Variants in LHFPL3 observed in about 807,000 individuals in gnomAD.
LHFPL3 encodes LHFPL tetraspan subfamily member 3.
In LHFPL3, 5 loss-of-function variants were observed where a neutral mutation model predicts 19.3. That is an observed-to-expected ratio of 0.26 (90% confidence interval 0.14 to 0.54). The LOEUF (loss-of-function observed/expected upper bound fraction) is 0.54. Among genes scored for constraint, LHFPL3 ranks in the 20% least tolerant of loss-of-function variants. The pLI is 0.94. For synonymous variants in LHFPL3, 133 were observed against 126.2 expected (o/e 1.05, Z -0.36); for missense variants, 249 against 307.4 (o/e 0.81, Z 1.42).
chr7:104,545,852 T>C (rs934377365), intron 1 of LHFPL3, among the ~76,000 whole-genome samples: 3 of 152,334 alleles, frequency 2.0e-5, no homozygotes, highest in Middle Eastern at 3.4e-3. Context: ...GCATCCTGCC[T>C]CCACCAAGCC....
chr7:104,831,802 T>C (rs1790958498), intron 2 of LHFPL3, among the ~76,000 whole-genome samples: 1 of 152,030 alleles, frequency 6.6e-6, no homozygotes, highest in East Asian at 1.9e-4. Context: ...TAGACCTGTA[T>C]TTGAATCCCC....
intron 2 of LHFPL3, among the ~76,000 whole-genome samples, chr7:104,829,798 C>T (rs1459642251): frequency 2.6e-5 from 4 of 152,024 alleles, no homozygotes; most frequent in East Asian, 1.9e-4. Context: ...CATACGTGTG[C>T]GTGTGTCTTC....
At chr7:104,729,340 T>A (rs1043488052) in intron 1 of LHFPL3, among the ~76,000 whole-genome samples, 2 of 152,182 alleles carry the variant, frequency 1.3e-5, no homozygotes, top group Non-Finnish European at 2.9e-5. Context: ...CATCACCTCA[T>A]ACATTTATCA....
intron 2 of LHFPL3, among the ~76,000 whole-genome samples, chr7:104,900,833 A>G (rs1367547255): frequency 6.6e-6 from 1 of 152,272 alleles, no homozygotes; most frequent in Non-Finnish European, 1.5e-5. Context: ...TAACATGGGC[A>G]ACTCCGAGCC....
At chr7:104,563,727 C>G (rs1790064811) in intron 1 of LHFPL3, among the ~76,000 whole-genome samples, 1 of 152,170 alleles carries the variant, frequency 6.6e-6, no homozygotes, top group Non-Finnish European at 1.5e-5. Flanking sequence ...ATCTGTAAAC[C>G]AGGAAGTAGG....
At position 104,713,989 on chromosome 7, in the gene LHFPL3, T is replaced by C. The variant is rs556702011; in HGVS notation, c.446-22686T>C. Among the ~76,000 whole-genome samples, 4 of 152,358 alleles carry C rather than the reference T, an allele frequency of 2.6e-5. No individual in the cohort carries two copies. The South Asian group carries it at 8.3e-4, about 32-fold the overall frequency. Reference sequence around the variant, plus strand: ...CAAAATTATCTTACAGGCATTTTGCTGGCAGGCTAAGACTGGGTTAAGTCT... The same window carrying C: ...CAAAATTATCTTACAGGCATTTTGCCGGCAGGCTAAGACTGGGTTAAGTCT... On this transcript the variant is annotated intron_variant, in intron 1 of 2. Transcript: ENST00000424859.
chr7:104,505,724 A>G lies in LHFPL3; in HGVS notation c.445+176500A>G, dbSNP rs117800093. On this transcript the variant is annotated intron_variant, in intron 1 of 2. Transcript: ENST00000424859. ...AGTAGAAGAATCCAATTGAGTATTCAAATATGAATAAATGCAATTAATGGA... is the reference window on the plus strand; with the variant it reads ...AGTAGAAGAATCCAATTGAGTATTCGAATATGAATAAATGCAATTAATGGA... Among the ~76,000 whole-genome samples, 126 of 152,374 alleles carry G rather than the reference A, an allele frequency of 8.3e-4. 1 individual carries two copies. In the East Asian group the frequency reaches 0.021, roughly 26 times the overall value.
At position 104,629,480 on chromosome 7, in the gene LHFPL3, G is replaced by C. The variant is rs76343075; in HGVS notation, c.446-107195G>C. ...TGCAGTATTTATAGAGTAGGTAGCAGCACCTTCTATCTTCCTCAAGAAGTC... is the reference window on the plus strand; with the variant it reads ...TGCAGTATTTATAGAGTAGGTAGCACCACCTTCTATCTTCCTCAAGAAGTC... On this transcript the variant is annotated intron_variant, in intron 1 of 2. Transcript: ENST00000424859. 2.5e-3 allele frequency among the ~76,000 whole-genome samples: 381 copies of C among 152,316 alleles called. 3 individuals carry two copies. The highest frequency in any genetic ancestry group is 8.8e-3 in the African/African-American group (367 of 41,578).
intron 1 of LHFPL3, among the ~76,000 whole-genome samples, chr7:104,338,104 T>C (rs889966298): frequency 1.5e-5 from 2 of 136,944 alleles, no homozygotes; most frequent in Non-Finnish European, 3.2e-5. Context: ...TTTTTTTTTT[T>C]TTTTTTTTTT....
intron 1 of LHFPL3, among the ~76,000 whole-genome samples, chr7:104,717,641 A>G (rs570029574): frequency 1.6e-4 from 25 of 152,298 alleles, no homozygotes; most frequent in African/African-American, 6.0e-4. Context: ...CTACTATAAA[A>G]AAAAGGCAAT....
chr7:104,391,014 T>C (rs149162169), intron 1 of LHFPL3, among the ~76,000 whole-genome samples: 2,317 of 152,254 alleles, frequency 0.015, 66 homozygotes, highest in African/African-American at 0.052. Flanking sequence ...ATCCTTCGCC[T>C]ACTTTTTGAT....
intron 1 of LHFPL3, among the ~76,000 whole-genome samples, chr7:104,378,382 G>C (rs928691898): frequency 2.0e-5 from 3 of 152,076 alleles, no homozygotes; most frequent in Non-Finnish European, 4.4e-5. Flanking sequence ...GTTTTTATTA[G>C]TTCATTTCTC....
intron 1 of LHFPL3, among the ~76,000 whole-genome samples, chr7:104,375,999 T>C (rs910721712): frequency 6.6e-5 from 10 of 152,246 alleles, no homozygotes; most frequent in Admixed American, 2.6e-4. Flanking sequence ...ATCTGATCTA[T>C]AGGGCTTGGG....
intron 1 of LHFPL3, among the ~76,000 whole-genome samples, chr7:104,558,728 G>T (rs1030579050): frequency 5.3e-5 from 8 of 150,022 alleles, no homozygotes; most frequent in African/African-American, 1.0e-4. Flanking sequence ...CATTGCTTTT[G>T]GTGTTTTAGA....
At chr7:104,750,310 A>G (rs1435449357) in intron 2 of LHFPL3, among the ~76,000 whole-genome samples, 2 of 152,130 alleles carry the variant, frequency 1.3e-5, no homozygotes, top group Admixed American at 6.5e-5. Flanking sequence ...GGCCTTACAC[A>G]CAGGTCTGTT....
intron 1 of LHFPL3, among the ~76,000 whole-genome samples, chr7:104,425,732 T>A (rs1027772114): frequency 6.6e-6 from 1 of 152,230 alleles, no homozygotes; most frequent in Admixed American, 6.5e-5. Context: ...ATTTTCACAT[T>A]TGGGGATGTC....
chr7:104,730,724 T>A, intron 1 of LHFPL3, among the ~76,000 whole-genome samples: 1 of 152,256 alleles, frequency 6.6e-6, no homozygotes, highest in Non-Finnish European at 1.5e-5. Context: ...TAGTTTCTTT[T>A]GCTGTGCAGA....
At chr7:104,641,848 C>G (rs960241088) in intron 1 of LHFPL3, among the ~76,000 whole-genome samples, 2 of 152,072 alleles carry the variant, frequency 1.3e-5, no homozygotes, top group Admixed American at 6.5e-5. Context: ...ATACTTTCCC[C>G]TGTATGAAAT....
chr7:104,586,991 A>G (rs1213215886), intron 1 of LHFPL3, among the ~76,000 whole-genome samples: 1 of 152,224 alleles, frequency 6.6e-6, no homozygotes, highest in Non-Finnish European at 1.5e-5. Context: ...CTTACTGTAT[A>G]TGAGTGTGAA....
Sources: allele counts gnomAD v4.1 joint callset (sites outside exome capture counted in the v4.1 genomes callset), GRCh38; gene constraint gnomAD v4.1.1; transcripts MANE v1.5; gene names NCBI Gene and HGNC (gene_info 2026-07-23, HGNC 2026-07-21).